The following SMARCA5 variants were observed in gnomAD, a reference collection of about 807,000 sequenced individuals.
The protein encoded by SMARCA5 is SWI/SNF-related matrix-associated actin-dependent regulator of chromatin subfamily A member 5.
Under a neutral mutation model 140.4 loss-of-function variants are expected in SMARCA5, and 18 were observed. The observed-to-expected ratio is 0.13, with a 90% CI of 0.09 to 0.19. The LOEUF is 0.19. Ranked by LOEUF, SMARCA5 falls within the 10% of genes least tolerant of loss-of-function variation. The pLI, the probability that SMARCA5 is intolerant of heterozygous loss-of-function variation, is 1.00. For missense variants in SMARCA5, 606 were observed against 1,276.8 expected (o/e 0.47, Z 8.01); for synonymous variants, 449 against 419.6 (o/e 1.07, Z -0.86).
At chr4:143,523,032 T>C (rs1736995083) in intron 3 of SMARCA5, among the ~76,000 whole-genome samples, 1 of 152,102 alleles carries the variant, frequency 6.6e-6, no homozygotes, top group African/African-American at 2.4e-5. Flanking sequence ...TTAAATCTTT[T>C]TTTGTTTGTT....
chr4:143,519,699 G>T (rs1424373004), intron 2 of SMARCA5, among the ~76,000 whole-genome samples: 1 of 152,000 alleles, frequency 6.6e-6, no homozygotes, highest in South Asian at 2.1e-4. Context: ...TCCACTCCTC[G>T]TTCTTGAACC....
At chr4:143,515,460 A>C (rs1479853024) in intron 1 of SMARCA5, among the ~76,000 whole-genome samples, 1 of 152,164 alleles carries the variant, frequency 6.6e-6, no homozygotes, top group Non-Finnish European at 1.5e-5. Context: ...CCAAGGCTTA[A>C]GGGGTTTGAC....
chr4:143,531,841 C>T (rs1355267280), intron 9 of SMARCA5, among the ~76,000 whole-genome samples: 1 of 152,190 alleles, frequency 6.6e-6, no homozygotes, highest in Non-Finnish European at 1.5e-5. Flanking sequence ...TTCCTGGTCT[C>T]TTTACTAATA....
chr4:143,514,015 A>C lies in SMARCA5; in HGVS notation c.91A>C (p.Ser31Arg). The change falls in exon 1 of 24, where the codon AGC becomes CGC. Residue 31 changes from serine (S) to arginine (R), a missense_variant. By Grantham distance (110) the Ser-to-Arg change is moderately radical (BLOSUM62 -1). Coordinates refer to ENST00000283131, the MANE Select transcript of SMARCA5 (RefSeq NM_003601.4). ...CTCGATCGCCAGCGGCGGGAGCAAC[A>C]GCAGCAACAAAGGCGGCCCCGAAGG... ...AASIASGGSN[S>R]SNKGGPEGVA... is the part of the protein sequence containing the mutation. 6.4e-7 allele frequency: 1 copy of C among 1,552,734 alleles called. No homozygotes were observed. Among genetic ancestry groups the C allele is most frequent in the African/African-American group, 1.4e-5 (1 of 73,534 alleles).
Position 143,555,158 on chromosome 4 carries a change from T to C in SMARCA5, c.*1974T>C. ...ACCACTACTGCTACTGGAACTGCCTTAGCCACCTTGGTATCGTGGTTTGGC... is the reference window on the plus strand; with the variant it reads ...ACCACTACTGCTACTGGAACTGCCTCAGCCACCTTGGTATCGTGGTTTGGC... On this transcript the variant is annotated 3_prime_UTR_variant, in exon 24 of 24. Transcript: ENST00000283131. The C allele has an allele frequency of 2.8e-6, 2 of 714,382 alleles. No individual in the cohort carries two copies. The highest frequency in any genetic ancestry group is 2.6e-5 in the East Asian group (1 of 38,286). The allele number at this position is 714,382 out of a possible 1,614,324, so 44.3% of individuals were successfully genotyped here.
At chr4:143,534,413 A>G (rs1737263204) in intron 9 of SMARCA5, among the ~76,000 whole-genome samples, 1 of 152,158 alleles carries the variant, frequency 6.6e-6, no homozygotes, top group South Asian at 2.1e-4. Context: ...GATTGGAAAT[A>G]TTTGTCCCCA....
In SMARCA5 at chr4:143,525,565, G is replaced by A. The variant is rs954408779; in HGVS notation, c.621+14G>A. On this transcript the variant is annotated intron_variant, in intron 5 of 23. Coordinates refer to ENST00000283131, the MANE Select transcript of SMARCA5 (RefSeq NM_003601.4). Reference sequence around the variant, plus strand: ...GCAGATGAAATGGTATGTGTTGGTAGTTTTTTTTGAAGGGTATGTTTTGTA... The same window carrying A: ...GCAGATGAAATGGTATGTGTTGGTAATTTTTTTTGAAGGGTATGTTTTGTA... 3 of 1,532,890 alleles carry A rather than the reference G, an allele frequency of 2.0e-6. No homozygotes were observed. The highest frequency in any genetic ancestry group is 1.1e-5 in the South Asian group (1 of 89,324). The allele number at this position is 1,532,890 out of a possible 1,614,324, so 95.0% of individuals were successfully genotyped here. A position where few individuals can be genotyped will look rare whatever the true frequency, so the allele number is the denominator to read the frequency against.
intron 6 of SMARCA5, among the ~76,000 whole-genome samples, chr4:143,527,120 G>A (rs1737090714): frequency 6.6e-6 from 1 of 152,148 alleles, no homozygotes; most frequent in African/African-American, 2.4e-5. Context: ...GTCATATATA[G>A]TAATTTGGTG....
rs768522831 is a variant in SMARCA5, at chr4:143,545,952, G to A, written c.2425G>A (p.Ala809Thr). 4 of 1,607,458 alleles carry A rather than the reference G, an allele frequency of 2.5e-6. No homozygotes were observed. The highest frequency in any genetic ancestry group is 2.2e-5 in the East Asian group (1 of 44,798). ...KVPRNPELPN[A>T]AQAQKEEQLK... is the part of the protein sequence containing the mutation. ...ACCTCGAAATCCTGAGCTGCCTAAT[G>A]CAGCACAGGCACAAAAAGAAGAACA... Residue 809 changes from alanine to threonine, a missense_variant, in exon 19 of 24, where the codon GCA (alanine) becomes ACA (threonine). Around this residue, in one of 10 missense-constraint regions of SMARCA5, gnomAD observed 121 missense variants for 227.1 expected, o/e 0.53. Transcript: ENST00000283131.
intron 8 of SMARCA5, among the ~76,000 whole-genome samples, chr4:143,529,716 A>G (rs1301899148): frequency 6.6e-6 from 1 of 152,204 alleles, no homozygotes; most frequent in African/African-American, 2.4e-5. Context: ...TTTTTGTACA[A>G]TTAAGTTATA....
intron 9 of SMARCA5, among the ~76,000 whole-genome samples, chr4:143,532,684 C>A (rs1380520038): frequency 6.7e-6 from 1 of 150,042 alleles, no homozygotes; most frequent in Non-Finnish European, 1.5e-5. Flanking sequence ...TTCCCTCCAC[C>A]CCCCAAAAAC....
At chr4:143,518,126 GT>G in intron 2 of SMARCA5, among the ~76,000 whole-genome samples, 1 of 152,164 alleles carries the variant, frequency 6.6e-6, no homozygotes, top group South Asian at 2.1e-4. Context: ...TATGCTCCTT[GT>G]TCACAGCATT....
intron 14 of SMARCA5, 152 bp downstream of exon 14, chr4:143,540,647 T>G (rs535213401): frequency 8.7e-6 from 6 of 690,164 alleles, no homozygotes; most frequent in Non-Finnish European, 1.4e-5. Flanking sequence ...CAGTAAACTT[T>G]AGTTTTGTCA....
chr4:143,518,072 G>A (rs1281494968), intron 2 of SMARCA5, among the ~76,000 whole-genome samples: 1 of 152,078 alleles, frequency 6.6e-6, no homozygotes, highest in Non-Finnish European at 1.5e-5. Flanking sequence ...TGTTTATTCT[G>A]CACTTGACTA....
intron 23 of SMARCA5, among the ~76,000 whole-genome samples, chr4:143,552,138 G>T (rs1323087717): frequency 2.0e-5 from 3 of 151,512 alleles, no homozygotes; most frequent in Non-Finnish European, 4.4e-5. Flanking sequence ...TTAATTCCTG[G>T]GTATTTTATT....
At chr4:143,538,358 G>C (rs1351899097) in intron 11 of SMARCA5, among the ~76,000 whole-genome samples, 1 of 152,146 alleles carries the variant, frequency 6.6e-6, no homozygotes, top group Non-Finnish European at 1.5e-5. Flanking sequence ...AAGCCTTCCA[G>C]ACCAGAGGCA....
chr4:143,538,507 A>G, intron 11 of SMARCA5, 83 bp from the exon 12 acceptor site: 2 of 1,087,430 alleles, frequency 1.8e-6, no homozygotes, highest in Non-Finnish European at 2.7e-6. Context: ...AATTAAGGAT[A>G]ATTGATTAGT....
At chr4:143,539,048 A>G (rs949696845) in intron 13 of SMARCA5, 110 bp downstream of exon 13, 20 of 928,322 alleles carry the variant, frequency 2.2e-5, no homozygotes, top group Non-Finnish European at 3.1e-5. Flanking sequence ...ATTTTTCTCT[A>G]ATCTAATGGT....
At position 143,526,454 on chromosome 4, in the gene SMARCA5, A is replaced by G. The variant is rs1737072753; in HGVS notation, c.795A>G (p.Glu265=). 6.2e-7 allele frequency: 1 copy of G among 1,601,632 alleles called. No homozygotes were observed. Among genetic ancestry groups the G allele is most frequent in the Admixed American group, 1.7e-5 (1 of 57,612 alleles). ...CTGTTTGTTTGATAGGAGATAAAGA[A>G]CAAAGAGTAAGTTTCTAGTATTTCA... ...LRSVCLIGDK[E]QRAAFVRDVL... The change falls in exon 6 of 24, where the codon GAA becomes GAG. Residue 265 remains glutamate, a synonymous_variant. Coordinates refer to ENST00000283131, the MANE Select transcript of SMARCA5 (RefSeq NM_003601.4).
Sources: gnomAD v4.1 joint callset for allele counts (sites outside exome capture counted in the v4.1 genomes callset) on GRCh38, gnomAD v4.1.1 for gene constraint, gnomAD v4.1.1 regional missense constraint, MANE v1.5 for transcripts, NCBI Gene and HGNC (gene_info 2026-07-23, HGNC 2026-07-21) for gene names.